Variants in USP48 observed in about 807,000 individuals in gnomAD.
USP48 encodes ubiquitin specific peptidase 48.
USP48 carries 43 observed loss-of-function variants against 150.7 expected under a neutral mutation model. The observed-to-expected ratio is 0.29, with a 90% CI of 0.22 to 0.37. The LOEUF (loss-of-function observed/expected upper bound fraction) is 0.37, where lower values mean the gene tolerates loss of function less well. Among genes scored for constraint, USP48 ranks in the 10% least tolerant of loss-of-function variants. The pLI, the probability that USP48 is intolerant of heterozygous loss-of-function variation, is 1.00. For synonymous variants in USP48, 396 were observed against 425.9 expected, an observed-to-expected ratio of 0.93 and a Z score of 0.86; for missense variants, 813 against 1,249.6, an observed-to-expected ratio of 0.65 and a Z score of 5.27.
intron 8 of USP48, among the ~76,000 whole-genome samples, chr1:21,743,881 A>G (rs1363672645): frequency 6.6e-6 from 1 of 152,208 alleles, no homozygotes; most frequent in East Asian, 1.9e-4. Context: ...CTTCAACTAT[A>G]GAAGGACAAG....
intron 24 of USP48, among the ~76,000 whole-genome samples, chr1:21,687,922 G>A (rs2097584045): frequency 6.6e-6 from 1 of 152,180 alleles, no homozygotes; most frequent in Non-Finnish European, 1.5e-5. Context: ...GTTAAACAGA[G>A]GGAGGGGTTA....
chr1:21,747,928 T>C (rs898142512), intron 7 of USP48, among the ~76,000 whole-genome samples: 1 of 152,246 alleles, frequency 6.6e-6, no homozygotes, highest in Non-Finnish European at 1.5e-5. Context: ...TTTACTTTTC[T>C]AGTTATCATT....
At chr1:21,766,735 C>T (rs1035039022) in intron 1 of USP48, among the ~76,000 whole-genome samples, 2 of 152,006 alleles carry the variant, frequency 1.3e-5, no homozygotes, top group African/African-American at 4.8e-5. Context: ...GTTGCCCAGG[C>T]TGGAGTGCAC....
At chr1:21,753,757 G>A (rs2097823518) in intron 3 of USP48, among the ~76,000 whole-genome samples, 1 of 150,846 alleles carries the variant, frequency 6.6e-6, no homozygotes, top group African/African-American at 2.4e-5. Flanking sequence ...AACCCAGGAG[G>A]TGGAGGTTGT....
chr1:21,729,932 G>A, intron 9 of USP48, 100 bp from the exon 10 acceptor site: 1 of 1,436,954 alleles, frequency 7.0e-7, no homozygotes, highest in South Asian at 1.3e-5. Context: ...ATACACCCAA[G>A]ACACATTAAC....
intron 22 of USP48, among the ~76,000 whole-genome samples, chr1:21,701,106 C>T (rs1162297775): frequency 6.6e-6 from 1 of 150,732 alleles, no homozygotes; most frequent in Non-Finnish European, 1.5e-5. Flanking sequence ...GTGGCTCCTG[C>T]CTGTAATCTC....
At chr1:21,779,535 G>C (rs2097909367) in intron 1 of USP48, among the ~76,000 whole-genome samples, 1 of 151,558 alleles carries the variant, frequency 6.6e-6, no homozygotes, top group African/African-American at 2.4e-5. Flanking sequence ...AACACAGAGA[G>C]ACTCCGTCTC....
intron 11 of USP48, 78 bp downstream of exon 11, chr1:21,728,492 T>C: frequency 6.6e-7 from 1 of 1,525,956 alleles, no homozygotes. Flanking sequence ...TTTGAGAAAG[T>C]TTCTTCATAT....
rs763942291 is a variant in USP48 at position 21,704,318 on chromosome 1, G to T, written c.2459C>A (p.Thr820Lys). 6.2e-7 allele frequency: 1 copy of T among 1,613,462 alleles called. No homozygotes were observed. The highest frequency in any genetic ancestry group is 8.5e-7 in the Non-Finnish European group (1 of 1,179,878). ...LFVVDHVIKI[T>K]RIEVGDVNPS... ...GTTTACATCTCCCACTTCAATTCTC[G>T]TGATTTTAATTACATGATCCACAAC... Residue 820 changes from threonine (T) to lysine (K), a missense_variant, in exon 20 of 27, where the codon ACG becomes AAG. Thr to Lys is a moderately conservative substitution (Grantham distance 78, BLOSUM62 -1). Transcript: ENST00000308271.
chr1:21,755,960 G>A (rs1158309187), intron 3 of USP48, among the ~76,000 whole-genome samples: 2 of 152,056 alleles, frequency 1.3e-5, no homozygotes, highest in Non-Finnish European at 2.9e-5. Flanking sequence ...GAGGTCGGGA[G>A]TTCAAGACCA....
At chr1:21,733,719 T>C (rs1313518613) in intron 9 of USP48, among the ~76,000 whole-genome samples, 2 of 152,052 alleles carry the variant, frequency 1.3e-5, no homozygotes, top group Non-Finnish European at 2.9e-5. Context: ...AGAATGTAGA[T>C]AGATTTTAAA....
chr1:21,710,513 G>T (rs1019958587), intron 15 of USP48, among the ~76,000 whole-genome samples: 2 of 152,130 alleles, frequency 1.3e-5, no homozygotes, highest in Non-Finnish European at 1.5e-5. Context: ...AGTAAAATGG[G>T]TAAGAAAGCT....
chr1:21,720,519 G>GTTTTTC (rs1571851555), intron 14 of USP48, among the ~76,000 whole-genome samples: 2 of 150,598 alleles, frequency 1.3e-5, no homozygotes, highest in African/African-American at 4.9e-5. Flanking sequence ...CATTTTTTGG[G>GTTTTTC]TTTTTCTTTT....
At chr1:21,703,796 A>G (rs2097664392) in intron 20 of USP48, among the ~76,000 whole-genome samples, 178 bp from the exon 21 acceptor site, 1 of 152,220 alleles carries the variant, frequency 6.6e-6, no homozygotes, top group Admixed American at 6.5e-5. Context: ...CAGTGGTATG[A>G]ACATAGCTCA....
chr1:21,700,314 C>A (rs1181075943), intron 22 of USP48, among the ~76,000 whole-genome samples: 2 of 152,094 alleles, frequency 1.3e-5, no homozygotes, highest in African/African-American at 4.8e-5. Context: ...TGCTTCTTCA[C>A]AGGTGTTTTG....
At chr1:21,757,914 G>T in intron 1 of USP48, 131 bp from the exon 2 acceptor site, 1 of 1,156,394 alleles carries the variant, frequency 8.6e-7, no homozygotes, top group Non-Finnish European at 1.2e-6. Context: ...AAGACACTCA[G>T]TTTGTGAGGG....
intron 23 of USP48, among the ~76,000 whole-genome samples, chr1:21,694,684 G>A (rs755991713): frequency 7.2e-6 from 1 of 139,270 alleles, no homozygotes; most frequent in Non-Finnish European, 1.5e-5. Flanking sequence ...ATCACTAATC[G>A]CTAATAATAA....
chr1:21,717,249 C>T (rs1056958866), intron 14 of USP48, among the ~76,000 whole-genome samples: 1 of 150,812 alleles, frequency 6.6e-6, no homozygotes. Context: ...ACAAAAAGTA[C>T]AAAAATTATC....
Position 21,756,145 on chromosome 1 carries a change from A to G in USP48, c.412+401T>C, listed in dbSNP as rs538838711. Among the ~76,000 whole-genome samples, 4 of 151,774 alleles carry G rather than the reference A, an allele frequency of 2.6e-5. No homozygotes were observed. In the East Asian group the frequency reaches 7.7e-4, roughly 29 times the overall value. ...GTGCCATTGCACTAGAGCGTGGGCA[A>G]CAAGTGTGAAACTGTCTTAAAAAAA... On this transcript the variant is annotated intron_variant, in intron 3 of 26. Transcript: ENST00000308271.
Sources: allele counts gnomAD v4.1 joint callset (sites outside exome capture counted in the v4.1 genomes callset), GRCh38; gene constraint gnomAD v4.1.1; transcripts MANE v1.5; gene names NCBI Gene and HGNC (gene_info 2026-07-23, HGNC 2026-07-21).